HMG20A: variants seen among roughly 807,000 people sequenced by gnomAD.
The protein encoded by HMG20A is high mobility group 20A.
Under a neutral mutation model 43.9 loss-of-function variants are expected in HMG20A, and 17 were observed. The observed-to-expected ratio is 0.39, with a 90% CI of 0.27 to 0.58. The LOEUF (loss-of-function observed/expected upper bound fraction) is 0.58, where lower values mean the gene tolerates loss of function less well. Among genes scored for constraint, HMG20A ranks in the 20% least tolerant of loss-of-function variants. The pLI, the probability that HMG20A is intolerant of heterozygous loss-of-function variation, is 0.59. For missense variants in HMG20A, 341 were observed against 438.2 expected, an observed-to-expected ratio of 0.78 and a Z score of 1.98; for synonymous variants, 132 against 147.5, an observed-to-expected ratio of 0.89 and a Z score of 0.76.
intron 1 of HMG20A, 176 bp downstream of exon 1, chr15:77,421,180 A>C (rs1595906115): frequency 3.6e-6 from 1 of 278,268 alleles, no homozygotes; most frequent in Non-Finnish European, 6.5e-6. Flanking sequence ...GGGAGGGGGG[A>C]CACCCTCACT....
chr15:77,469,453 C>G (rs1455425720), intron 4 of HMG20A, among the ~76,000 whole-genome samples: 10 of 151,788 alleles, frequency 6.6e-5, no homozygotes, highest in Non-Finnish European at 1.2e-4. Context: ...CTCAAGCACC[C>G]CTCCCACCTT....
chr15:77,504,482 C>T, the HMG20A span, among the ~76,000 whole-genome samples: 1 of 152,234 alleles, frequency 6.6e-6, no homozygotes, highest in African/African-American at 2.4e-5. Flanking sequence ...ACCCTTTGCG[C>T]GGGGTGCGCC....
chr15:77,486,330 C>T (rs1231696318), downstream of HMG20A, among the ~76,000 whole-genome samples: 4 of 150,818 alleles, frequency 2.7e-5, no homozygotes, highest in Non-Finnish European at 5.9e-5. Context: ...GCACGATCTC[C>T]GCTCACTGCA....
chr15:77,470,028 T>G (rs2072792404), intron 4 of HMG20A, among the ~76,000 whole-genome samples: 1 of 152,216 alleles, frequency 6.6e-6, no homozygotes, highest in Non-Finnish European at 1.5e-5. Context: ...CTGTTATAAA[T>G]CATACTAATA....
intron 1 of HMG20A, among the ~76,000 whole-genome samples, chr15:77,446,624 A>G (rs992534683): frequency 7.2e-5 from 11 of 152,008 alleles, no homozygotes; most frequent in Non-Finnish European, 1.2e-4. Flanking sequence ...TGGCTAATAC[A>G]GTGAAACCCC....
At chr15:77,475,996 T>G (rs1439704674) in intron 6 of HMG20A, among the ~76,000 whole-genome samples, 1 of 152,242 alleles carries the variant, frequency 6.6e-6, no homozygotes, top group East Asian at 1.9e-4. Context: ...AATTAAGTGC[T>G]CTGAAATTAC....
In HMG20A at chr15:77,478,388, C is replaced by T. The variant is rs1182841710; in HGVS notation, c.785C>T (p.Thr262Ile). 2 of 1,613,580 alleles carry T rather than the reference C, an allele frequency of 1.2e-6. No individual in the cohort carries two copies. Residue 262 changes from threonine to isoleucine, a missense_variant, in exon 8 of 10, where the codon ACA (threonine) becomes ATA (isoleucine). Thr to Ile is a moderately conservative substitution (Grantham distance 89, BLOSUM62 -1). Transcript: ENST00000336216. Reference sequence around the variant, plus strand: ...CAAAAGCACGTGGAGAGCATGCGCACAGCAGTGGAGAAGCTGGAGGTGGAT... The same window carrying T: ...CAAAAGCACGTGGAGAGCATGCGCATAGCAGTGGAGAAGCTGGAGGTGGAT... ...ALQKHVESMR[T>I]AVEKLEVDVI...
At chr15:77,488,147 C>A (rs968776744), downstream of HMG20A, among the ~76,000 whole-genome samples, 17 of 152,154 alleles carry the variant, frequency 1.1e-4, no homozygotes, top group African/African-American at 3.6e-4. Flanking sequence ...ACCTGCAACA[C>A]CAGATCAGTG....
At chr15:77,486,259 C>CTT (rs71145843), downstream of HMG20A, among the ~76,000 whole-genome samples, 690 of 128,620 alleles carry the variant, frequency 5.4e-3, 11 homozygotes, top group Non-Finnish European at 8.4e-3. Flanking sequence ...TAAATGCTTG[C>CTT]TTTTTTTTTT....
At chr15:77,501,982 C>T in the HMG20A span, among the ~76,000 whole-genome samples, 5 of 152,272 alleles carry the variant, frequency 3.3e-5, no homozygotes, top group Middle Eastern at 3.4e-3. Context: ...TTCATCTCGC[C>T]CCTAGATCAG....
rs115293424 is a variant in HMG20A at position 77,423,146 on chromosome 15, T to A, written c.-5+2142T>A. 1.5e-3 allele frequency among the ~76,000 whole-genome samples: 228 copies of A among 152,268 alleles called. 2 individuals are homozygous for A. Among genetic ancestry groups the A allele is most frequent in the African/African-American group, 5.3e-3 (221 of 41,564 alleles). Reference sequence around the variant, plus strand: ...ACAGTATAATAGAAATAAGAAAAATTGTTGCAGCTGAAAGACTTGAGCAGC... The same window carrying A: ...ACAGTATAATAGAAATAAGAAAAATAGTTGCAGCTGAAAGACTTGAGCAGC... On this transcript the variant is annotated intron_variant, in intron 1 of 9. Transcript: ENST00000336216.
Position 77,478,392 on chromosome 15 carries a change from A to C in HMG20A, c.789A>C (p.Ala263=). ...LQKHVESMRT[A]VEKLEVDVIQ... ...AGCACGTGGAGAGCATGCGCACAGCAGTGGAGAAGCTGGAGGTGGATGTGA... is the reference window on the plus strand; with the variant it reads ...AGCACGTGGAGAGCATGCGCACAGCCGTGGAGAAGCTGGAGGTGGATGTGA... Residue 263 remains alanine, a synonymous_variant, in exon 8 of 10, where the codon GCA becomes GCC. Transcript: ENST00000336216. 1.2e-6 allele frequency: 2 copies of C among 1,613,520 alleles called. No homozygotes were observed. The highest frequency in any genetic ancestry group is 1.7e-6 in the Non-Finnish European group (2 of 1,180,030).
At chr15:77,495,464 G>A in the HMG20A span, among the ~76,000 whole-genome samples, 2 of 152,180 alleles carry the variant, frequency 1.3e-5, no homozygotes, top group African/African-American at 2.4e-5. Context: ...CAAGAGAATC[G>A]CTTGAACCCA....
intron 1 of HMG20A, among the ~76,000 whole-genome samples, chr15:77,429,416 C>T (rs563088714): frequency 6.6e-6 from 1 of 150,674 alleles, no homozygotes; most frequent in Non-Finnish European, 1.5e-5. Context: ...TCCTTTTTTT[C>T]CCCCATGTCC....
the HMG20A span, among the ~76,000 whole-genome samples, chr15:77,508,678 C>G: frequency 4.0e-3 from 604 of 152,332 alleles, 4 homozygotes; most frequent in African/African-American, 0.013. Flanking sequence ...CTGGACGGGT[C>G]ACTTGGCAGG....
chr15:77,460,234 G>A (rs1049391328), intron 2 of HMG20A, among the ~76,000 whole-genome samples: 1 of 152,170 alleles, frequency 6.6e-6, no homozygotes, highest in Admixed American at 6.5e-5. Context: ...AAGATAATGG[G>A]AATGAGGGGT....
chr15:77,465,260 C>CAAAAAAAAAAAAA (rs71145837), intron 3 of HMG20A, among the ~76,000 whole-genome samples: 1 of 59,186 alleles, frequency 1.7e-5, no homozygotes, highest in Non-Finnish European at 2.7e-5. Context: ...GACTTCGTCT[C>CAAAAAAAAAAAAA]AAAAAAAAAA....
intron 6 of HMG20A, among the ~76,000 whole-genome samples, chr15:77,476,486 G>GA (rs148901766): frequency 0.25 from 20,334 of 80,552 alleles, 4,721 homozygotes; most frequent in Non-Finnish European, 0.31. Context: ...CTCCCTCTCA[G>GA]AAAAAAAAAA....
At chr15:77,493,306 G>GA in the HMG20A span, among the ~76,000 whole-genome samples, 1 of 152,186 alleles carries the variant, frequency 6.6e-6, no homozygotes, top group East Asian at 1.9e-4. Flanking sequence ...CACTTAAAAT[G>GA]AAAAACCAGT....
Sources: gnomAD v4.1 joint callset for allele counts (sites outside exome capture counted in the v4.1 genomes callset) on GRCh38, gnomAD v4.1.1 for gene constraint, MANE v1.5 for transcripts, NCBI Gene and HGNC (gene_info 2026-07-23, HGNC 2026-07-21) for gene names.